ATF7IP2: variants seen among roughly 807,000 people sequenced by gnomAD.
ATF7IP2 encodes activating transcription factor 7 interacting protein 2, also known as activating transcription factor 7-interacting protein 2.
A neutral mutation model predicts 64.2 loss-of-function variants in ATF7IP2; 42 were observed. The observed-to-expected ratio is 0.65, with a 90% CI of 0.51 to 0.85. The LOEUF (loss-of-function observed/expected upper bound fraction) is 0.85. ATF7IP2 is among the 40% of genes least tolerant of loss of function. The probability of loss-of-function intolerance (pLI) is 0.00; values close to 1 mark genes in which losing one functional copy is unlikely to be tolerated. For synonymous variants in ATF7IP2, 308 were observed against 272.8 expected (o/e 1.13, Z -1.27); for missense variants, 933 against 784.2 (o/e 1.19, Z -2.27).
chr16:10,438,782 C>G (rs745695745), intron 7 of ATF7IP2, among the ~76,000 whole-genome samples: 1 of 152,120 alleles, frequency 6.6e-6, no homozygotes, highest in Non-Finnish European at 1.5e-5. Flanking sequence ...CGGCCAGGCG[C>G]GATGGCTCAT....
intron 1 of ATF7IP2, chr16:10,387,615 C>G (rs774862340): frequency 2.0e-5 from 3 of 152,180 alleles, no homozygotes; most frequent in Non-Finnish European, 4.4e-5. Context: ...TTGCATGATC[C>G]CTGCACCTTT....
chr16:10,425,788 G>C (rs1040399854), intron 3 of ATF7IP2, among the ~76,000 whole-genome samples: 1 of 152,022 alleles, frequency 6.6e-6, no homozygotes, highest in Admixed American at 6.5e-5. Flanking sequence ...AGCTGTTCGT[G>C]AGGCTGAGGC....
intron 5 of ATF7IP2, among the ~76,000 whole-genome samples, chr16:10,431,825 T>C (rs2048268078): frequency 7.0e-6 from 1 of 143,102 alleles, no homozygotes; most frequent in African/African-American, 2.6e-5. Flanking sequence ...TATTTCTTTT[T>C]TTTTTTTTTT....
At chr16:10,452,189 G>T (rs2049006957) in intron 8 of ATF7IP2, among the ~76,000 whole-genome samples, 1 of 152,236 alleles carries the variant, frequency 6.6e-6, no homozygotes, top group African/African-American at 2.4e-5. Flanking sequence ...TCCTTTGGAG[G>T]AGAAGAGGCG....
chr16:10,443,712 A>T (rs898374146), intron 8 of ATF7IP2, among the ~76,000 whole-genome samples: 1 of 152,158 alleles, frequency 6.6e-6, no homozygotes, highest in Non-Finnish European at 1.5e-5. Context: ...TAGGAGGTGG[A>T]GAATGGTGGA....
chr16:10,387,750 G>C (rs2047230427), intron 1 of ATF7IP2: 1 of 151,892 alleles, frequency 6.6e-6, no homozygotes, highest in African/African-American at 2.4e-5. Context: ...AAGAGTATTA[G>C]TTCTCATTGT....
intron 1 of ATF7IP2, among the ~76,000 whole-genome samples, chr16:10,403,576 C>T (rs1037242209): frequency 6.6e-6 from 1 of 152,092 alleles, no homozygotes; most frequent in Non-Finnish European, 1.5e-5. Flanking sequence ...ATAACACCCC[C>T]TCAAAGGAAC....
chr16:10,431,482 G>A, intron 5 of ATF7IP2, 27 bp downstream of exon 5: 2 of 1,440,684 alleles, frequency 1.4e-6, no homozygotes, highest in Non-Finnish European at 1.9e-6. Flanking sequence ...GCACCTTTTA[G>A]AAAAATTAAA....
intron 1 of ATF7IP2, among the ~76,000 whole-genome samples, chr16:10,410,741 A>G (rs1229929099): frequency 1.3e-5 from 2 of 152,120 alleles, no homozygotes; most frequent in African/African-American, 4.8e-5. Flanking sequence ...GCAATTCTTT[A>G]ATTGCCATGT....
chr16:10,424,482 A>G (rs1039406609), intron 3 of ATF7IP2, among the ~76,000 whole-genome samples: 15 of 152,238 alleles, frequency 9.9e-5, no homozygotes, highest in African/African-American at 3.4e-4. Context: ...GTGTTTTTAA[A>G]TCTTTAGAAA....
At chr16:10,459,026 A>AT (rs2049279182) in intron 9 of ATF7IP2, among the ~76,000 whole-genome samples, 1 of 107,028 alleles carries the variant, frequency 9.3e-6, no homozygotes, top group African/African-American at 3.3e-5. Flanking sequence ...TCTCTACTAA[A>AT]AAATAATAAT....
In ATF7IP2 at chr16:10,463,946, T is replaced by G. The variant is rs566053248; in HGVS notation, c.1352+6417T>G. On this transcript the variant is annotated intron_variant, in intron 9 of 13. Transcript: ENST00000562102. ...ATTGCTGGTCTTATATTCCAGTTCT[T>G]GGCTCCTCAATACCAGCCCTCTGTG... Among the ~76,000 whole-genome samples the G allele has an allele frequency of 4.6e-5, 7 of 152,300 alleles. No homozygotes were observed. In the East Asian group the frequency reaches 1.4e-3, roughly 29 times the overall value.
At chr16:10,440,910 C>T (rs569159800) in intron 8 of ATF7IP2, among the ~76,000 whole-genome samples, 1 of 152,232 alleles carries the variant, frequency 6.6e-6, no homozygotes, top group East Asian at 1.9e-4. Flanking sequence ...AGCCTCCCCA[C>T]CCCCTGACAG....
chr16:10,456,082 C>G (rs1218723102), intron 8 of ATF7IP2, among the ~76,000 whole-genome samples: 1 of 151,974 alleles, frequency 6.6e-6, no homozygotes, highest in East Asian at 1.9e-4. Context: ...TGGGTTCAAT[C>G]AATTCTCGTG....
At chr16:10,407,082 A>G (rs1265961043) in intron 1 of ATF7IP2, among the ~76,000 whole-genome samples, 1 of 152,230 alleles carries the variant, frequency 6.6e-6, no homozygotes, top group East Asian at 1.9e-4. Flanking sequence ...AACATGTGCT[A>G]GCTATCAATG....
intron 12 of ATF7IP2, among the ~76,000 whole-genome samples, chr16:10,477,767 A>T (rs2050066133): frequency 6.6e-6 from 1 of 152,182 alleles, no homozygotes; most frequent in Non-Finnish European, 1.5e-5. Flanking sequence ...CTCAGCCCAA[A>T]ATCTCCTTAA....
rs1409923337 is a variant in ATF7IP2, at chr16:10,414,666, G to C, written c.-203+54G>C. 2 of 110,012 alleles carry C rather than the reference G, an allele frequency of 1.8e-5. 1 individual carries two copies. Among genetic ancestry groups the C allele is most frequent in the African/African-American group, 7.9e-5 (2 of 25,416 alleles). 6.8% of individuals were successfully genotyped at this position (110,012 alleles called of 1,614,324 possible). A position where few individuals can be genotyped will look rare whatever the true frequency, so the allele number is the denominator to read the frequency against. On this transcript the variant is annotated intron_variant, in intron 2 of 13. Transcript: ENST00000562102. ...GTGTGTGTGTGTGTGTGTGTGTTTGGGCGGGGGGGTGGGGGATGTTAAGGA... is the reference window on the plus strand; with the variant it reads ...GTGTGTGTGTGTGTGTGTGTGTTTGCGCGGGGGGGTGGGGGATGTTAAGGA...
intron 1 of ATF7IP2, among the ~76,000 whole-genome samples, chr16:10,410,413 C>G (rs563730609): frequency 6.6e-6 from 1 of 152,144 alleles, no homozygotes; most frequent in East Asian, 1.9e-4. Flanking sequence ...TTGTTGAGTT[C>G]TGGACGTTTC....
chr16:10,475,744 A>AG (rs869033949), intron 12 of ATF7IP2, among the ~76,000 whole-genome samples: 1 of 131,716 alleles, frequency 7.6e-6, no homozygotes, highest in African/African-American at 2.8e-5. Context: ...AAAAAAAAAA[A>AG]CAGAGAAAGA....
Sources: allele counts gnomAD v4.1 joint callset (sites outside exome capture counted in the v4.1 genomes callset), GRCh38; gene constraint gnomAD v4.1.1; transcripts MANE v1.5; gene names NCBI Gene and HGNC (gene_info 2026-07-23, HGNC 2026-07-21).